The following KCNIP4 variants were observed in gnomAD, a reference collection of about 807,000 sequenced individuals.
KCNIP4 encodes the protein potassium voltage-gated channel interacting protein 4, also known as Kv channel-interacting protein 4.
In KCNIP4, 12 loss-of-function variants were observed where a neutral mutation model predicts 34.0. The observed-to-expected ratio is 0.35, with a 90% CI of 0.23 to 0.57. The LOEUF (loss-of-function observed/expected upper bound fraction) is 0.57, where lower values mean the gene tolerates loss of function less well. KCNIP4 is among the 20% of genes least tolerant of loss of function. KCNIP4 has a pLI of 0.83. For synonymous variants in KCNIP4, 124 were observed against 102.2 expected, an observed-to-expected ratio of 1.21 and a Z score of -1.29; for missense variants, 238 against 311.7, an observed-to-expected ratio of 0.76 and a Z score of 1.78.
intron 1 of KCNIP4, among the ~76,000 whole-genome samples, chr4:21,421,847 A>G (rs1283059090): frequency 6.6e-6 from 1 of 152,216 alleles, no homozygotes; most frequent in Admixed American, 6.5e-5. Flanking sequence ...ATATCAAAAC[A>G]TCACCTCTAT....
chr4:21,541,020 A>G (rs1400600352), intron 1 of KCNIP4, among the ~76,000 whole-genome samples: 2 of 151,854 alleles, frequency 1.3e-5, no homozygotes, highest in African/African-American at 2.4e-5. Context: ...AAAATACAAA[A>G]ATTTGCCAGG....
chr4:20,842,956 G>A (rs967058331), intron 3 of KCNIP4, among the ~76,000 whole-genome samples: 3 of 149,672 alleles, frequency 2.0e-5, no homozygotes, highest in African/African-American at 7.4e-5. Flanking sequence ...CACCCAGGCT[G>A]GAGTGCAGAG....
intron 1 of KCNIP4, among the ~76,000 whole-genome samples, chr4:21,855,476 T>C (rs1178040256): frequency 6.6e-6 from 1 of 152,226 alleles, no homozygotes; most frequent in African/African-American, 2.4e-5. Flanking sequence ...CCATAGGTAG[T>C]ATAATTATTC....
At chr4:20,901,897 G>GAA (rs368323011) in intron 1 of KCNIP4, among the ~76,000 whole-genome samples, 40 of 143,186 alleles carry the variant, frequency 2.8e-4, no homozygotes, top group Non-Finnish European at 4.1e-4. Context: ...TCCAAGAAAG[G>GAA]AAAAAAAAAA....
intron 1 of KCNIP4, among the ~76,000 whole-genome samples, chr4:21,366,968 T>C (rs1719841558): frequency 6.6e-6 from 1 of 152,196 alleles, no homozygotes; most frequent in Admixed American, 6.5e-5. Flanking sequence ...GATTAACTCA[T>C]GAGGACAGAG....
At chr4:20,926,079 A>G (rs1053316873) in intron 1 of KCNIP4, among the ~76,000 whole-genome samples, 3 of 152,210 alleles carry the variant, frequency 2.0e-5, no homozygotes, top group African/African-American at 7.2e-5. Context: ...TTATACAAAC[A>G]TATTTTTTAT....
chr4:21,863,695 A>T (rs1190676241), intron 1 of KCNIP4, among the ~76,000 whole-genome samples: 4 of 152,186 alleles, frequency 2.6e-5, no homozygotes, highest in Admixed American at 2.6e-4. Flanking sequence ...AAAAGTAGAA[A>T]GGAGAAAAAA....
chr4:21,614,826 G>A (rs1744463803), intron 1 of KCNIP4, among the ~76,000 whole-genome samples: 1 of 152,030 alleles, frequency 6.6e-6, no homozygotes, highest in African/African-American at 2.4e-5. Flanking sequence ...GGCATATTCT[G>A]GGAAAGGAGT....
chr4:21,727,143 C>T (rs1715253723), intron 1 of KCNIP4, among the ~76,000 whole-genome samples: 1 of 152,178 alleles, frequency 6.6e-6, no homozygotes, highest in South Asian at 2.1e-4. Context: ...TAGGATCAAA[C>T]ACCCAATGTG....
chr4:21,855,813 C>T (rs746952271), intron 1 of KCNIP4: 3 of 152,218 alleles, frequency 2.0e-5, no homozygotes, highest in African/African-American at 4.8e-5. Context: ...CACCCTTGCC[C>T]TTCTTCCCTC....
intron 1 of KCNIP4, among the ~76,000 whole-genome samples, chr4:20,959,881 T>C (rs1308496078): frequency 6.6e-6 from 1 of 152,192 alleles, no homozygotes; most frequent in Non-Finnish European, 1.5e-5. Context: ...AATGGGAATA[T>C]CCACTTCTTT....
At chr4:21,538,011 CAAAAAAAAAAAA>C (rs71191517) in intron 1 of KCNIP4, among the ~76,000 whole-genome samples, 4 of 51,240 alleles carry the variant, frequency 7.8e-5, no homozygotes, top group Non-Finnish European at 1.1e-4. Flanking sequence ...GATTCCGTCT[CAAAAAAAAAAAA>C]AAAAAAAAAA....
Position 21,530,139 on chromosome 4 carries a change from C to A in KCNIP4, c.61+418432G>T, listed in dbSNP as rs1485155564. ...TTCAGACAGTCTTATAGGGAAAGGG[C>A]AAGTTTCTTAACCTCAATTTGTATG... On this transcript the variant is annotated intron_variant, in intron 1 of 8. Transcript: ENST00000382152. Among the ~76,000 whole-genome samples the A allele has an allele frequency of 2.0e-5, 3 of 152,222 alleles. No homozygotes were observed. The East Asian group carries it at 5.8e-4, about 29-fold the overall frequency.
chr4:21,851,936 C>T (rs1724429092), intron 1 of KCNIP4: 2 of 151,862 alleles, frequency 1.3e-5, no homozygotes, highest in African/African-American at 2.4e-5. Context: ...TATATGCTGT[C>T]TATGGTACCC....
intron 1 of KCNIP4, among the ~76,000 whole-genome samples, chr4:21,119,435 G>A (rs1193905762): frequency 1.4e-5 from 2 of 144,164 alleles, no homozygotes; most frequent in Non-Finnish European, 3.0e-5. Context: ...ACTGATGTCT[G>A]TGGGTTGGGT....
In KCNIP4 at chr4:21,731,431, A is replaced by G. The variant is rs907953155; in HGVS notation, c.61+217140T>C. Among the ~76,000 whole-genome samples the G allele has an allele frequency of 3.9e-5, 6 of 152,288 alleles. No homozygotes were observed. In the East Asian group the frequency reaches 9.7e-4, roughly 25 times the overall value. Reference sequence around the variant, plus strand: ...GAGGAGGAGGGGGTGAAAAGATCTAAAAGTAAAATATTTATATGAAGAGTA... The same window carrying G: ...GAGGAGGAGGGGGTGAAAAGATCTAGAAGTAAAATATTTATATGAAGAGTA... On this transcript the variant is annotated intron_variant, in intron 1 of 8. Coordinates refer to ENST00000382152, the MANE Select transcript of KCNIP4 (RefSeq NM_025221.6).
chr4:21,789,131 A>G (rs1202379671), intron 1 of KCNIP4, among the ~76,000 whole-genome samples: 2 of 150,268 alleles, frequency 1.3e-5, no homozygotes, highest in Non-Finnish European at 2.9e-5. Flanking sequence ...GTTTTGCCTC[A>G]AGCCACACAG....
At chr4:20,874,527 G>A (rs756870650) in intron 2 of KCNIP4, among the ~76,000 whole-genome samples, 1 of 152,016 alleles carries the variant, frequency 6.6e-6, no homozygotes, top group Admixed American at 6.6e-5. Flanking sequence ...CAGAAAACAG[G>A]TGTCCTGACA....
chr4:21,902,715 G>T (rs1727776366), intron 1 of KCNIP4, among the ~76,000 whole-genome samples: 1 of 152,054 alleles, frequency 6.6e-6, no homozygotes, highest in Non-Finnish European at 1.5e-5. Flanking sequence ...TGGAAAGGTG[G>T]GTAGGAATTA....
Sources: gnomAD v4.1 joint callset for allele counts (sites outside exome capture counted in the v4.1 genomes callset) on GRCh38, gnomAD v4.1.1 for gene constraint, MANE v1.5 for transcripts, NCBI Gene and HGNC (gene_info 2026-07-23, HGNC 2026-07-21) for gene names.